SUCLG2: variants seen among roughly 807,000 people sequenced by gnomAD.
SUCLG2 encodes the protein succinate--CoA ligase [GDP-forming] subunit beta, mitochondrial.
Under a neutral mutation model 47.9 loss-of-function variants are expected in SUCLG2, and 42 were observed. That is an observed-to-expected ratio of 0.88 (90% CI 0.69 to 1.14). The LOEUF (loss-of-function observed/expected upper bound fraction) is 1.14, where lower values mean the gene tolerates loss of function less well. Ranked by LOEUF, SUCLG2 falls within the 50% of genes most tolerant of loss-of-function variation. The pLI is 0.00. For synonymous variants in SUCLG2, 195 were observed against 197.3 expected (o/e 0.99, Z 0.10); for missense variants, 571 against 525.9 (o/e 1.09, Z -0.84).
intron 2 of SUCLG2, among the ~76,000 whole-genome samples, chr3:67,551,101 C>T (rs749100007): frequency 3.3e-5 from 5 of 152,212 alleles, no homozygotes; most frequent in Admixed American, 6.5e-5. Flanking sequence ...AAAACACTCA[C>T]GTCTTGTATT....
At chr3:67,639,073 A>G (rs562928465) in intron 1 of SUCLG2, among the ~76,000 whole-genome samples, 2 of 152,316 alleles carry the variant, frequency 1.3e-5, no homozygotes, top group East Asian at 3.9e-4. Flanking sequence ...GTGTCCAGAG[A>G]AAAGAAGAGC....
intron 9 of SUCLG2, among the ~76,000 whole-genome samples, chr3:67,436,723 G>A (rs1575694307): frequency 6.6e-6 from 1 of 151,892 alleles, no homozygotes; most frequent in South Asian, 2.1e-4. Context: ...ATCTCATTTA[G>A]TGCTTAAAAA....
intron 10 of SUCLG2, among the ~76,000 whole-genome samples, chr3:67,399,222 C>G (rs894834664): frequency 4.6e-5 from 7 of 151,856 alleles, no homozygotes; most frequent in African/African-American, 1.7e-4. Context: ...AACCTCAACC[C>G]TTGATTACAC....
At chr3:67,392,069 T>C (rs1353815570) in intron 10 of SUCLG2, among the ~76,000 whole-genome samples, 1 of 152,106 alleles carries the variant, frequency 6.6e-6, no homozygotes, top group Non-Finnish European at 1.5e-5. Context: ...TTGTCCTTTC[T>C]CTTCTTACTC....
intron 9 of SUCLG2, among the ~76,000 whole-genome samples, chr3:67,404,878 G>A (rs1269176407): frequency 6.6e-6 from 1 of 151,276 alleles, no homozygotes; most frequent in Admixed American, 6.6e-5. Flanking sequence ...TGCCTCACGT[G>A]TTCATTCATT....
chr3:67,463,311 C>A (rs1302535949), intron 9 of SUCLG2, among the ~76,000 whole-genome samples: 1 of 152,156 alleles, frequency 6.6e-6, no homozygotes, highest in Non-Finnish European at 1.5e-5. Context: ...CTTATTATTA[C>A]CATTCTTGTT....
chr3:67,557,753 A>G (rs2772450), intron 2 of SUCLG2, among the ~76,000 whole-genome samples: 32,750 of 152,110 alleles, frequency 0.22, 6,023 homozygotes, highest in East Asian at 0.49. Context: ...AATCCAAAGC[A>G]AATGAATCAA....
intron 1 of SUCLG2, among the ~76,000 whole-genome samples, chr3:67,611,440 T>C (rs1359896781): frequency 2.0e-5 from 3 of 152,224 alleles, no homozygotes; most frequent in Admixed American, 6.5e-5. Flanking sequence ...ATTCTGTAAA[T>C]GAACATACTC....
Position 67,366,650 on chromosome 3 carries a change from A to G in SUCLG2, c.1184-5882T>C, listed in dbSNP as rs150197777. Among the ~76,000 whole-genome samples the G allele has an allele frequency of 9.8e-5, 15 of 152,302 alleles. No homozygotes were observed. In the East Asian group the frequency reaches 2.9e-3, roughly 29 times the overall value. ...GGCTTCCAAGGATGAAATGACTCAGAAGAACCTGAAGCTCACCAGCCATAT... is the reference window on the plus strand; with the variant it reads ...GGCTTCCAAGGATGAAATGACTCAGGAGAACCTGAAGCTCACCAGCCATAT... On this transcript the variant is annotated intron_variant, in intron 10 of 10. Coordinates refer to the SUCLG2 transcript ENST00000493112.
intron 10 of SUCLG2, among the ~76,000 whole-genome samples, chr3:67,377,893 C>G (rs1352983552): frequency 2.0e-5 from 3 of 152,128 alleles, no homozygotes; most frequent in African/African-American, 7.2e-5. Flanking sequence ...AACTCAAGGA[C>G]TCCATCTGCC....
chr3:67,398,983 G>C (rs1702618322), intron 10 of SUCLG2, among the ~76,000 whole-genome samples: 1 of 141,992 alleles, frequency 7.0e-6, no homozygotes, highest in Non-Finnish European at 1.5e-5. Flanking sequence ...AGAACACATG[G>C]ACACAGGAAG....
intron 9 of SUCLG2, among the ~76,000 whole-genome samples, chr3:67,460,189 T>C (rs911046972): frequency 3.9e-5 from 6 of 152,222 alleles, no homozygotes; most frequent in African/African-American, 1.4e-4. Context: ...TCACTACTGA[T>C]TGAAGTCTTA....
chr3:67,476,396 G>A (rs533377310), intron 9 of SUCLG2, among the ~76,000 whole-genome samples: 63 of 152,032 alleles, frequency 4.1e-4, no homozygotes, highest in African/African-American at 1.4e-3. Context: ...AAGGTTGTGC[G>A]CTCCTTATGA....
chr3:67,504,072 T>C (rs1705573686), intron 7 of SUCLG2, among the ~76,000 whole-genome samples: 1 of 152,226 alleles, frequency 6.6e-6, no homozygotes, highest in Non-Finnish European at 1.5e-5. Flanking sequence ...ACGTACTGCG[T>C]TTGATTTGTG....
chr3:67,531,078 A>G (rs1706390554), intron 2 of SUCLG2, among the ~76,000 whole-genome samples: 1 of 152,352 alleles, frequency 6.6e-6, no homozygotes, highest in East Asian at 1.9e-4. Flanking sequence ...AGAAGTCTAC[A>G]GTGTAAGGAT....
intron 1 of SUCLG2, among the ~76,000 whole-genome samples, chr3:67,651,685 T>C (rs912146353): frequency 7.2e-5 from 11 of 152,178 alleles, no homozygotes; most frequent in Admixed American, 4.6e-4. Context: ...TGTACCTAGT[T>C]AGCTGGGTTT....
chr3:67,519,539 G>A (rs533673636), intron 5 of SUCLG2, among the ~76,000 whole-genome samples: 105 of 152,152 alleles, frequency 6.9e-4, no homozygotes, highest in African/African-American at 2.1e-3. Flanking sequence ...CTTATACATC[G>A]TTTCCATTCA....
At chr3:67,470,784 T>A (rs1253473994) in intron 9 of SUCLG2, among the ~76,000 whole-genome samples, 1 of 152,210 alleles carries the variant, frequency 6.6e-6, no homozygotes, top group African/African-American at 2.4e-5. Flanking sequence ...TGTGCTATTT[T>A]GTTATAGCCG....
intron 2 of SUCLG2, among the ~76,000 whole-genome samples, chr3:67,588,270 G>A (rs1708075470): frequency 6.6e-6 from 1 of 152,120 alleles, no homozygotes; most frequent in Non-Finnish European, 1.5e-5. Flanking sequence ...CATGCTACTT[G>A]TAAGTCCTTT....
Sources: gnomAD v4.1 joint callset for allele counts (sites outside exome capture counted in the v4.1 genomes callset) on GRCh38, gnomAD v4.1.1 for gene constraint, MANE v1.5 for transcripts, NCBI Gene and HGNC (gene_info 2026-07-23, HGNC 2026-07-21) for gene names.